Variants in BAZ2B observed in about 807,000 individuals in gnomAD.
The protein encoded by BAZ2B is bromodomain adjacent to zinc finger domain protein 2B.
Under a neutral mutation model 246.0 loss-of-function variants are expected in BAZ2B, and 91 were observed. That is an observed-to-expected ratio of 0.37 (90% confidence interval 0.31 to 0.44). The LOEUF (loss-of-function observed/expected upper bound fraction) is 0.44, where lower values mean the gene tolerates loss of function less well. BAZ2B is among the 20% of genes least tolerant of loss of function. The pLI, the probability that BAZ2B is intolerant of heterozygous loss-of-function variation, is 1.00. For synonymous variants in BAZ2B, 855 were observed against 860.0 expected (o/e 0.99, Z 0.10); for missense variants, 2,332 against 2,533.7 (o/e 0.92, Z 1.71).
chr2:159,453,625 C>A lies in BAZ2B; in HGVS notation c.322G>T (p.Ala108Ser). The A allele has an allele frequency of 6.2e-7, 1 of 1,604,842 alleles. No individual in the cohort carries two copies. The highest frequency in any genetic ancestry group is 8.5e-7 in the Non-Finnish European group (1 of 1,175,706). The stretch of plus-strand genomic sequence containing the variant: ...AACAGATGTTTACCTGGAAAAGATG[C>A]TAGTTGGGGATGTGCGGCTAAGGCT... ...PTALAAHPQL[A>S]SFPGAEWWRT... The change falls in exon 4 of 37, where the codon GCA becomes TCA. Residue 108 changes from alanine (A) to serine (S), a missense_variant. Physicochemically the swap from Ala to Ser is moderately conservative, Grantham distance 99. Coordinates refer to ENST00000392783, the MANE Select transcript of BAZ2B (RefSeq NM_013450.4).
intron 2 of BAZ2B, among the ~76,000 whole-genome samples, chr2:159,484,953 G>C (rs1347073277): frequency 2.0e-5 from 3 of 152,068 alleles, no homozygotes; most frequent in Non-Finnish European, 4.4e-5. Flanking sequence ...ACTAACAGTA[G>C]CAAAAGTTAT....
At chr2:159,326,160 A>G (rs2063683549) in intron 34 of BAZ2B, among the ~76,000 whole-genome samples, 1 of 152,206 alleles carries the variant, frequency 6.6e-6, no homozygotes, top group African/African-American at 2.4e-5. Context: ...GAAGATGCTA[A>G]TCTCATGGTA....
intron 13 of BAZ2B, among the ~76,000 whole-genome samples, chr2:159,426,103 A>G (rs935919758): frequency 6.6e-6 from 1 of 152,178 alleles, no homozygotes; most frequent in Admixed American, 6.6e-5. Flanking sequence ...GCAGCTTAAC[A>G]TATTTGGCTT....
chr2:159,421,631 A>G (rs1443157132), intron 13 of BAZ2B, among the ~76,000 whole-genome samples: 1 of 152,320 alleles, frequency 6.6e-6, no homozygotes, highest in East Asian at 1.9e-4. Context: ...TGTACTATAC[A>G]AAAGTTAATA....
chr2:159,637,623 T>C, the BAZ2B span, among the ~76,000 whole-genome samples: 115 of 152,330 alleles, frequency 7.5e-4, 2 homozygotes, highest in African/African-American at 2.6e-3. Flanking sequence ...AGTGGCACGA[T>C]CACAGCTCAC....
intron 14 of BAZ2B, among the ~76,000 whole-genome samples, chr2:159,411,324 T>A (rs777683820): frequency 2.5e-4 from 38 of 152,212 alleles, no homozygotes; most frequent in Non-Finnish European, 4.7e-4. Flanking sequence ...CATTCTATTC[T>A]ATGAGTTTTG....
At chr2:159,485,255 C>T (rs1261791643) in intron 2 of BAZ2B, among the ~76,000 whole-genome samples, 2 of 151,944 alleles carry the variant, frequency 1.3e-5, no homozygotes, top group Non-Finnish European at 2.9e-5. Context: ...AAAAACCAGG[C>T]AACAAATGAA....
chr2:159,330,281 C>T (rs1033986426), intron 34 of BAZ2B, among the ~76,000 whole-genome samples: 24 of 151,944 alleles, frequency 1.6e-4, no homozygotes, highest in Admixed American at 3.9e-4. Context: ...ATGATAACCT[C>T]GAGGCAAAAA....
At chr2:159,643,373 T>A in the BAZ2B span, among the ~76,000 whole-genome samples, 1 of 152,222 alleles carries the variant, frequency 6.6e-6, no homozygotes, top group Non-Finnish European at 1.5e-5. Flanking sequence ...CTCTCTATCA[T>A]CTCTCCTTAT....
Position 159,386,488 on chromosome 2 carries a change from A to C in BAZ2B, c.3336T>G (p.Asn1112Lys). The change falls in exon 22 of 37, where the codon AAT becomes AAG. Residue 1112 changes from asparagine to lysine, a missense_variant. Physicochemically the swap from Asn to Lys is moderately conservative, Grantham distance 94. Around this residue, in one of 9 missense-constraint regions of BAZ2B, gnomAD observed 328 missense variants for 410.4 expected, o/e 0.80. Coordinates refer to ENST00000392783, the MANE Select transcript of BAZ2B (RefSeq NM_013450.4). ...GAACACTCAGGTTTGGAACATCAAT[A>C]TTCACATCAAAGCCCAAAACTTTAC... ...NFGKVLGFDV[N>K]IDVPNLSVLQ... is the part of the protein sequence containing the mutation. 1 of 1,613,712 alleles carries C rather than the reference A, an allele frequency of 6.2e-7. No individual in the cohort carries two copies. The highest frequency in any genetic ancestry group is 8.5e-7 in the Non-Finnish European group (1 of 1,179,794).
At chr2:159,622,351 C>T in the BAZ2B span, among the ~76,000 whole-genome samples, 6,270 of 151,018 alleles carry the variant, frequency 0.042, 422 homozygotes, top group African/African-American at 0.14. Context: ...TGGATCTGCT[C>T]CAAAAATAAA....
chr2:159,441,199 T>TAC (rs1159063421), intron 6 of BAZ2B, among the ~76,000 whole-genome samples: 1 of 152,114 alleles, frequency 6.6e-6, no homozygotes, highest in Non-Finnish European at 1.5e-5. Flanking sequence ...ATAAGAGAGC[T>TAC]ACAGTGATTT....
the BAZ2B span, among the ~76,000 whole-genome samples, chr2:159,678,431 C>G: frequency 6.6e-6 from 1 of 152,196 alleles, no homozygotes; most frequent in African/African-American, 2.4e-5. Context: ...CATATAGTTT[C>G]TTAGACATTT....
intron 33 of BAZ2B, 103 bp downstream of exon 33, chr2:159,336,839 A>G (rs781335841): frequency 5.7e-6 from 6 of 1,053,176 alleles, no homozygotes; most frequent in South Asian, 2.1e-5. Context: ...TATAGCATAC[A>G]TTATTATGAC....
chr2:159,614,961 T>C (rs952493362), intron 1 of BAZ2B, among the ~76,000 whole-genome samples: 8 of 151,800 alleles, frequency 5.3e-5, no homozygotes, highest in African/African-American at 1.7e-4. Context: ...TCCTCAAAAA[T>C]AAAAAAGAGA....
the BAZ2B span, chr2:159,670,649 A>G: frequency 6.6e-6 from 1 of 152,196 alleles, no homozygotes; most frequent in East Asian, 1.9e-4. Context: ...TAAATACCCA[A>G]AGGTCATTTT....
chr2:159,372,261 C>T (rs1369906768), intron 27 of BAZ2B, among the ~76,000 whole-genome samples: 1 of 152,076 alleles, frequency 6.6e-6, no homozygotes, highest in Non-Finnish European at 1.5e-5. Context: ...CTGATGGGGA[C>T]AAAAGTGTTA....
intron 36 of BAZ2B, chr2:159,322,037 T>C (rs1393449178): frequency 3.3e-5 from 5 of 152,008 alleles, no homozygotes; most frequent in Non-Finnish European, 7.4e-5. Context: ...CCTGCAAAAA[T>C]TAAAATAAAA....
At position 159,509,748 on chromosome 2, in the gene BAZ2B, A is replaced by T. The variant is rs558801676; in HGVS notation, c.-2-31027T>A. Among the ~76,000 whole-genome samples the T allele has an allele frequency of 1.8e-4, 27 of 152,268 alleles. No individual in the cohort carries two copies. In the South Asian group the frequency reaches 4.8e-3, roughly 27 times the overall value. On this transcript the variant is annotated intron_variant, in intron 2 of 36. Transcript: ENST00000392783. ...AAACAAATGTGATATACATATATAC[A>T]TATTTAATATGTATTTGCATATATG...
Sources: allele counts gnomAD v4.1 joint callset (sites outside exome capture counted in the v4.1 genomes callset), GRCh38; gene constraint gnomAD v4.1.1; regional missense constraint gnomAD v4.1.1; transcripts MANE v1.5; gene names NCBI Gene and HGNC (gene_info 2026-07-23, HGNC 2026-07-21).